SMAD5: variants seen among roughly 807,000 people sequenced by gnomAD.
SMAD5 encodes SMAD family member 5.
In SMAD5, 9 loss-of-function variants were observed where a neutral mutation model predicts 43.1. The ratio of observed to expected loss-of-function variants is 0.21; its 90% CI spans 0.13 to 0.36. SMAD5 has a LOEUF of 0.36. Ranked by LOEUF, SMAD5 falls within the 10% of genes least tolerant of loss-of-function variation. The pLI, the probability that SMAD5 is intolerant of heterozygous loss-of-function variation, is 1.00. For missense variants in SMAD5, 348 were observed against 574.0 expected (o/e 0.61, Z 4.02); for synonymous variants, 190 against 192.4 (o/e 0.99, Z 0.10).
chr5:136,157,814 A>G (rs1753689296), intron 3 of SMAD5, among the ~76,000 whole-genome samples: 1 of 152,160 alleles, frequency 6.6e-6, no homozygotes, highest in Non-Finnish European at 1.5e-5. Flanking sequence ...ATAAGAGAGC[A>G]TGAACTGGGG....
intron 1 of SMAD5, among the ~76,000 whole-genome samples, chr5:136,135,930 C>T (rs1752858544): frequency 6.6e-6 from 1 of 152,154 alleles, no homozygotes; most frequent in Non-Finnish European, 1.5e-5. Context: ...TTACAAGCAG[C>T]TTATAGCCTA....
chr5:136,149,822 T>A (rs1310986956), intron 2 of SMAD5, among the ~76,000 whole-genome samples: 1 of 151,878 alleles, frequency 6.6e-6, no homozygotes, highest in Non-Finnish European at 1.5e-5. Context: ...AGTCATTCCA[T>A]ATTTAAAGAG....
At chr5:136,145,399 G>A (rs1363138307) in intron 1 of SMAD5, among the ~76,000 whole-genome samples, 1 of 151,914 alleles carries the variant, frequency 6.6e-6, no homozygotes, top group African/African-American at 2.4e-5. Context: ...TTGCAGGATG[G>A]TTGTCAGTGG....
chr5:136,163,920 C>A (rs1425972642), intron 5 of SMAD5, among the ~76,000 whole-genome samples: 2 of 152,186 alleles, frequency 1.3e-5, no homozygotes, highest in African/African-American at 4.8e-5. Flanking sequence ...GTGGCTCACG[C>A]CTGTAATCGT....
rs966956746 is a variant in SMAD5 at position 136,180,046 on chromosome 5, C to T, written c.*2566C>T. On this transcript the variant is annotated 3_prime_UTR_variant, in exon 8 of 8. Coordinates refer to ENST00000545279, the MANE Select transcript of SMAD5 (RefSeq NM_005903.7). Reference sequence around the variant, plus strand: ...TGAATGACAGTACTAAAGCTATTAACAACTAAGAGTTTGACAGAGAACTAT... The same window carrying T: ...TGAATGACAGTACTAAAGCTATTAATAACTAAGAGTTTGACAGAGAACTAT... 3 of 152,138 alleles carry T rather than the reference C, an allele frequency of 2.0e-5. No individual in the cohort carries two copies. The highest frequency in any genetic ancestry group is 2.1e-4 in the South Asian group (1 of 4,832). 9.4% of individuals were successfully genotyped at this position (152,138 alleles called of 1,614,324 possible).
chr5:136,137,469 A>G (rs1752928528), intron 1 of SMAD5, among the ~76,000 whole-genome samples: 1 of 152,132 alleles, frequency 6.6e-6, no homozygotes, highest in Non-Finnish European at 1.5e-5. Flanking sequence ...TAGCAACTGG[A>G]GTCTTGGGAG....
Position 136,172,515 on chromosome 5 carries a change from C to G in SMAD5, c.857C>G (p.Ala286Gly), listed in dbSNP as rs1431197573. ...GAATTAAACAATCGTGTTGGAGAAG[C>G]TTTTCATGCATCTTCTACTAGTGTG... ...YYELNNRVGE[A>G]FHASSTSVLV... The change falls in exon 6 of 8, where the codon GCT becomes GGT. Residue 286 changes from alanine to glycine, a missense_variant. Transcript: ENST00000545279. The G allele has an allele frequency of 6.2e-7, 1 of 1,612,200 alleles. No individual in the cohort carries two copies. The highest frequency in any genetic ancestry group is 8.5e-7 in the Non-Finnish European group (1 of 1,178,336).
intron 1 of SMAD5, 129 bp downstream of exon 1, chr5:136,133,091 C>G (rs1752730135): frequency 6.6e-6 from 1 of 152,244 alleles, no homozygotes; most frequent in Non-Finnish European, 1.5e-5. Flanking sequence ...GCCTGTCGGG[C>G]GGGAGGTAGG....
rs74544619 is a variant in SMAD5 at position 136,171,507 on chromosome 5, C to T, written c.776-927C>T. ...CAAACCAAAGAGGTTTATTCTCCAG[C>T]CTTAAGGCCTAATGCAATTTGCTTT... On this transcript the variant is annotated intron_variant, in intron 5 of 7. Coordinates refer to ENST00000545279, the MANE Select transcript of SMAD5 (RefSeq NM_005903.7). Among the ~76,000 whole-genome samples, 152 of 152,312 alleles carry T rather than the reference C, an allele frequency of 1.0e-3. 1 individual carries two copies. Among genetic ancestry groups the T allele is most frequent in the African/African-American group, 3.5e-3 (145 of 41,572 alleles).
chr5:136,138,020 CTG>C (rs1290807372), intron 1 of SMAD5, among the ~76,000 whole-genome samples: 2 of 152,194 alleles, frequency 1.3e-5, no homozygotes, highest in Admixed American at 6.5e-5. Flanking sequence ...TTGACCAGCT[CTG>C]TGTCTGTTCC....
chr5:136,174,117 T>A (rs1467142391), intron 6 of SMAD5, among the ~76,000 whole-genome samples: 1 of 152,044 alleles, frequency 6.6e-6, no homozygotes, highest in Non-Finnish European at 1.5e-5. Flanking sequence ...GATAAATGAT[T>A]GTTGGGAAAG....
chr5:136,172,170 GC>G (rs1273242241), intron 5 of SMAD5, among the ~76,000 whole-genome samples: 1 of 152,184 alleles, frequency 6.6e-6, no homozygotes, highest in Non-Finnish European at 1.5e-5. Flanking sequence ...AAGCCACTCA[GC>G]CTTACGGTAT....
At chr5:136,135,944 T>G (rs185404444) in intron 1 of SMAD5, among the ~76,000 whole-genome samples, 2 of 152,316 alleles carry the variant, frequency 1.3e-5, no homozygotes, top group African/African-American at 4.8e-5. Flanking sequence ...TAGCCTATGA[T>G]TTGCCCGTCT....
chr5:136,159,788 A>G (rs1753767019), intron 3 of SMAD5, among the ~76,000 whole-genome samples: 1 of 152,264 alleles, frequency 6.6e-6, no homozygotes, highest in Non-Finnish European at 1.5e-5. Flanking sequence ...ATGAAACAAT[A>G]GACAAAAATA....
At chr5:136,135,848 A>G (rs1752855199) in intron 1 of SMAD5, among the ~76,000 whole-genome samples, 1 of 152,146 alleles carries the variant, frequency 6.6e-6, no homozygotes, top group Admixed American at 6.5e-5. Context: ...TATTCCTTGT[A>G]TCTGTCTGTC....
At chr5:136,169,115 A>C (rs531680807) in intron 5 of SMAD5, among the ~76,000 whole-genome samples, 1 of 152,212 alleles carries the variant, frequency 6.6e-6, no homozygotes, top group Non-Finnish European at 1.5e-5. Context: ...TGCAGCCTTC[A>C]GTCTGTGGCC....
At chr5:136,157,768 T>A (rs1272977140) in intron 3 of SMAD5, among the ~76,000 whole-genome samples, 3 of 152,140 alleles carry the variant, frequency 2.0e-5, no homozygotes, top group Non-Finnish European at 4.4e-5. Context: ...TCGCTCACTC[T>A]CTCTCACCAT....
Position 136,154,057 on chromosome 5 carries a change from G to A in SMAD5, c.297G>A (p.Gln99=), listed in dbSNP as rs1753553630. 1 of 1,603,282 alleles carries A rather than the reference G, an allele frequency of 6.2e-7. No individual in the cohort carries two copies. Among genetic ancestry groups the A allele is most frequent in the Middle Eastern group, 1.7e-4 (1 of 6,022 alleles). The change falls in exon 3 of 8, where the codon CAG becomes CAA. Residue 99 remains glutamine (Q), a synonymous_variant. Transcript: ENST00000545279. The part of the protein sequence containing the change: ...YCRVWRWPDL[Q]SHHELKPLDI... ...GTGTTTGGCGCTGGCCGGATTTGCAGAGTCATCATGAGCTAAAGCCGTTGG... is the reference window on the plus strand; with the variant it reads ...GTGTTTGGCGCTGGCCGGATTTGCAAAGTCATCATGAGCTAAAGCCGTTGG...
At chr5:136,156,711 A>G (rs542741392) in intron 3 of SMAD5, among the ~76,000 whole-genome samples, 1 of 152,326 alleles carries the variant, frequency 6.6e-6, no homozygotes, top group African/African-American at 2.4e-5. Context: ...GTATTCCCCT[A>G]TAGCCAAAGT....
Sources: allele counts gnomAD v4.1 joint callset (sites outside exome capture counted in the v4.1 genomes callset), GRCh38; gene constraint gnomAD v4.1.1; transcripts MANE v1.5; gene names NCBI Gene and HGNC (gene_info 2026-07-23, HGNC 2026-07-21).